The following RAB39A variants were observed in gnomAD, a reference collection of about 807,000 sequenced individuals.
RAB39A encodes the protein RAB39A, member RAS oncogene family.
In RAB39A, 17 loss-of-function variants were observed where a neutral mutation model predicts 20.9. That is an observed-to-expected ratio of 0.81 (90% CI 0.56 to 1.22). The LOEUF (loss-of-function observed/expected upper bound fraction) is 1.22, where lower values mean the gene tolerates loss of function less well. Ranked by LOEUF, RAB39A falls within the 50% of genes most tolerant of loss-of-function variation. The pLI is 0.00. For synonymous variants in RAB39A, 99 were observed against 103.4 expected, an observed-to-expected ratio of 0.96 and a Z score of 0.26; for missense variants, 234 against 270.5, an observed-to-expected ratio of 0.87 and a Z score of 0.95.
intron 1 of RAB39A, among the ~76,000 whole-genome samples, chr11:107,931,182 G>T (rs1335943399): frequency 6.6e-6 from 1 of 152,054 alleles, no homozygotes; most frequent in Non-Finnish European, 1.5e-5. Context: ...TCCCCATGTT[G>T]GTCAGGCTGG....
chr11:107,933,589 C>A (rs1281648489), intron 1 of RAB39A, among the ~76,000 whole-genome samples: 1 of 151,430 alleles, frequency 6.6e-6, no homozygotes, highest in South Asian at 2.1e-4. Context: ...TCAAGCTGGT[C>A]TCGAACACCT....
intron 1 of RAB39A, among the ~76,000 whole-genome samples, chr11:107,948,822 A>C (rs1424369555): frequency 1.3e-5 from 2 of 152,036 alleles, no homozygotes; most frequent in Non-Finnish European, 2.9e-5. Context: ...AATATTGTTC[A>C]CCTTAATTTT....
intron 1 of RAB39A, among the ~76,000 whole-genome samples, chr11:107,944,031 G>A (rs1409724543): frequency 2.0e-5 from 3 of 151,706 alleles, no homozygotes; most frequent in African/African-American, 7.3e-5. Context: ...GGAGGCAGAG[G>A]TTGCAGTCAG....
chr11:107,947,820 A>AT (rs1463429915), intron 1 of RAB39A, among the ~76,000 whole-genome samples: 1 of 151,302 alleles, frequency 6.6e-6, no homozygotes, highest in Non-Finnish European at 1.5e-5. Flanking sequence ...AAAAAAAAAA[A>AT]AAAAAAAAAA....
At chr11:107,944,081 T>C (rs1861285624) in intron 1 of RAB39A, among the ~76,000 whole-genome samples, 1 of 150,078 alleles carries the variant, frequency 6.7e-6, no homozygotes, top group Non-Finnish European at 1.5e-5. Context: ...GGCGACACAG[T>C]GAGACTCCAT....
intron 1 of RAB39A, among the ~76,000 whole-genome samples, chr11:107,952,523 G>A (rs1300226055): frequency 2.6e-5 from 4 of 152,064 alleles, no homozygotes; most frequent in African/African-American, 4.8e-5. Context: ...GGAGGTTGCA[G>A]TAAGCCGAGA....
Position 107,928,562 on chromosome 11 carries a change from G to A in RAB39A, c.-7G>A, listed in dbSNP as rs1861105221. 4.1e-6 allele frequency: 6 copies of A among 1,464,002 alleles called. No homozygotes were observed. Among genetic ancestry groups the A allele is most frequent in the East Asian group, 2.5e-5 (1 of 40,162 alleles). The allele number at this position is 1,464,002 out of a possible 1,614,324, so 90.7% of individuals were successfully genotyped here. ...GGCGGCCCGGGAGCCAGCGGGGCAC[G>A]TGAGCGATGGAGACCATCTGGATCT... is the stretch of plus-strand genomic sequence containing the variant. On this transcript the variant is annotated 5_prime_UTR_variant, in exon 1 of 2. In the 5' UTR this introduces an upstream ATG that the reference lacks. Coordinates refer to ENST00000320578, the MANE Select transcript of RAB39A (RefSeq NM_017516.3). This position sits in a 1 kb window ranked among gnomAD's most constrained non-coding sequence, Gnocchi z 4.9.
chr11:107,959,126 AAAAAAG>A (rs1218727509), intron 1 of RAB39A, among the ~76,000 whole-genome samples: 2 of 152,180 alleles, frequency 1.3e-5, no homozygotes, highest in Non-Finnish European at 2.9e-5. Flanking sequence ...GTCTCAAAAA[AAAAAAG>A]AAAAGAAAAG....
chr11:107,943,659 T>A (rs1861281624), intron 1 of RAB39A, among the ~76,000 whole-genome samples: 1 of 152,044 alleles, frequency 6.6e-6, no homozygotes. Flanking sequence ...TGCCAGGCAC[T>A]AAAGATAAAA....
At chr11:107,935,291 G>A (rs543599774) in intron 1 of RAB39A, among the ~76,000 whole-genome samples, 23 of 152,082 alleles carry the variant, frequency 1.5e-4, no homozygotes, top group Non-Finnish European at 2.9e-4. Flanking sequence ...GAACGCATCC[G>A]CCCTAGGTAC....
chr11:107,935,414 G>A (rs865911917), intron 1 of RAB39A, among the ~76,000 whole-genome samples: 6 of 149,712 alleles, frequency 4.0e-5, no homozygotes, highest in South Asian at 2.1e-4. Context: ...TGGCTCTGTC[G>A]CCTAGGCTGG....
intron 1 of RAB39A, among the ~76,000 whole-genome samples, chr11:107,949,337 A>G (rs1390856967): frequency 2.0e-5 from 3 of 152,142 alleles, no homozygotes; most frequent in Admixed American, 1.3e-4. Context: ...AACAAAAAGA[A>G]TGATGTTTAA....
chr11:107,934,045 A>G (rs1861167473), intron 1 of RAB39A, among the ~76,000 whole-genome samples: 1 of 152,140 alleles, frequency 6.6e-6, no homozygotes, highest in Non-Finnish European at 1.5e-5. Flanking sequence ...ATTCATATCA[A>G]AGGCTCGAAG....
Position 107,962,352 on chromosome 11 carries a change from A to G in RAB39A, c.634A>G (p.Arg212Gly). The change falls in exon 2 of 2, where the codon AGG becomes GGG. Residue 212 changes from arginine (R) to glycine (G), a missense_variant. Physicochemically the swap from Arg to Gly is moderately radical, Grantham distance 125. Coordinates refer to ENST00000320578, the MANE Select transcript of RAB39A (RefSeq NM_017516.3). ...TTCTTCTGAGGAAGCAGTAAAGCCC[A>G]GGAAAGAATGCTTCTGCTGACTTCA... ...VHSSEEAVKP[R>G]KECFC 1 of 1,603,262 alleles carries G rather than the reference A, an allele frequency of 6.2e-7. No individual in the cohort carries two copies. The highest frequency in any genetic ancestry group is 8.5e-7 in the Non-Finnish European group (1 of 1,171,970).
At chr11:107,941,045 C>G (rs1861253192) in intron 1 of RAB39A, among the ~76,000 whole-genome samples, 1 of 151,998 alleles carries the variant, frequency 6.6e-6, no homozygotes, top group African/African-American at 2.4e-5. Flanking sequence ...AAGTTCCTAG[C>G]TATAAGAGAA....
chr11:107,958,497 A>G (rs936762066), intron 1 of RAB39A, among the ~76,000 whole-genome samples: 6 of 152,278 alleles, frequency 3.9e-5, no homozygotes, highest in Non-Finnish European at 5.9e-5. Flanking sequence ...CTTCCCCCAG[A>G]TGATTGATAG....
chr11:107,928,614 G>T lies in RAB39A; in HGVS notation c.46G>T (p.Asp16Tyr). ...CCAGTTCCGCCTCATCGTGATCGGG[G>T]ACTCCACCGTGGGCAAGTCCTGCCT... ...IYQFRLIVIG[D>Y]STVGKSCLLH... is the part of the protein sequence containing the mutation. The change falls in exon 1 of 2, where the codon GAC becomes TAC. Residue 16 changes from aspartate (D) to tyrosine (Y), a missense_variant. Coordinates refer to ENST00000320578, the MANE Select transcript of RAB39A (RefSeq NM_017516.3). The surrounding 1 kb of genome is among the most constrained non-coding windows in gnomAD (Gnocchi z 4.9). 1 of 1,598,632 alleles carries T rather than the reference G, an allele frequency of 6.3e-7. No individual in the cohort carries two copies. The highest frequency in any genetic ancestry group is 1.3e-5 in the African/African-American group (1 of 74,784).
At chr11:107,942,647 C>T (rs866251353) in intron 1 of RAB39A, among the ~76,000 whole-genome samples, 4 of 152,112 alleles carry the variant, frequency 2.6e-5, no homozygotes, top group Admixed American at 1.3e-4. Flanking sequence ...TAATTAATGT[C>T]CATAGAGGCT....
At chr11:107,934,814 A>C (rs369589739) in intron 1 of RAB39A, among the ~76,000 whole-genome samples, 1 of 151,758 alleles carries the variant, frequency 6.6e-6, no homozygotes, top group African/African-American at 2.4e-5. Flanking sequence ...CTGTAATCCC[A>C]GCTACTCAGG....
Sources: gnomAD v4.1 joint callset for allele counts (sites outside exome capture counted in the v4.1 genomes callset) on GRCh38, gnomAD v4.1.1 for gene constraint, Gnocchi (gnomAD v3.1) non-coding constraint, MANE v1.5 for transcripts, NCBI Gene and HGNC (gene_info 2026-07-23, HGNC 2026-07-21) for gene names.